The following NAALADL2 variants were observed in gnomAD, a reference collection of about 807,000 sequenced individuals.
NAALADL2 encodes the protein N-acetylated alpha-linked acidic dipeptidase like 2.
NAALADL2 carries 76 observed loss-of-function variants against 87.2 expected under a neutral mutation model. The observed-to-expected ratio is 0.87, with a 90% confidence interval of 0.72 to 1.05. The LOEUF (loss-of-function observed/expected upper bound fraction) is 1.05. Ranked by LOEUF, NAALADL2 falls within the 50% of genes least tolerant of loss-of-function variation. The pLI is 0.00. For missense variants in NAALADL2, 1,089 were observed against 945.8 expected (o/e 1.15, Z -1.99); for synonymous variants, 354 against 331.0 (o/e 1.07, Z -0.75).
At chr3:174,773,502 G>A (rs1714831951) in intron 3 of NAALADL2, among the ~76,000 whole-genome samples, 1 of 152,164 alleles carries the variant, frequency 6.6e-6, no homozygotes, top group Non-Finnish European at 1.5e-5. Flanking sequence ...CTCCATGCTA[G>A]TGATGAGACT....
At chr3:175,480,539 A>T (rs1302838434) in intron 9 of NAALADL2, among the ~76,000 whole-genome samples, 1 of 151,892 alleles carries the variant, frequency 6.6e-6, no homozygotes, top group African/African-American at 2.4e-5. Flanking sequence ...ATTCCACAGC[A>T]CCCTTTTTCA....
At chr3:174,912,176 A>G (rs1733790373) in intron 1 of NAALADL2, among the ~76,000 whole-genome samples, 2 of 152,098 alleles carry the variant, frequency 1.3e-5, no homozygotes, top group Admixed American at 1.3e-4. Context: ...AGAAATGAAG[A>G]CAATCAGTGC....
chr3:175,332,935 G>A (rs923964377), intron 5 of NAALADL2, among the ~76,000 whole-genome samples: 3 of 152,072 alleles, frequency 2.0e-5, no homozygotes, highest in Admixed American at 6.5e-5. Context: ...GTTTACAATT[G>A]TTACATTTTC....
At chr3:175,382,853 AGAG>A (rs931750619) in intron 5 of NAALADL2, among the ~76,000 whole-genome samples, 46 of 152,176 alleles carry the variant, frequency 3.0e-4, no homozygotes, top group African/African-American at 1.1e-3. Context: ...TAAAAAAATA[AGAG>A]GAATGTACAT....
chr3:174,819,075 TTTTTTTTTTTTG>T (rs1354675189), intron 3 of NAALADL2, among the ~76,000 whole-genome samples: 6 of 130,186 alleles, frequency 4.6e-5, no homozygotes, highest in African/African-American at 1.1e-4. Context: ...TTTTTTTTTT[TTTTTTTTTTTTG>T]GAGACAGGAT....
At chr3:175,507,708 G>A (rs1376287089) in intron 9 of NAALADL2, among the ~76,000 whole-genome samples, 1 of 152,196 alleles carries the variant, frequency 6.6e-6, no homozygotes, top group Non-Finnish European at 1.5e-5. Context: ...ACAGGCGTGA[G>A]CCACTGTGCC....
chr3:174,610,059 G>A (rs908579727), intron 2 of NAALADL2, among the ~76,000 whole-genome samples: 6 of 152,004 alleles, frequency 3.9e-5, no homozygotes, highest in African/African-American at 1.4e-4. Context: ...AACAAGCAAT[G>A]GGGAAAGGAT....
At position 175,626,615 on chromosome 3, in the gene NAALADL2, T is replaced by A. The variant is rs547545884; in HGVS notation, c.1801-676T>A. On this transcript the variant is annotated intron_variant, in intron 10 of 13. Transcript: ENST00000454872. Reference sequence around the variant, plus strand: ...CATAATTTTCACCGTAATCTTATTGTATTTCCTTGCTTTCTTTCCTGTATT... The same window carrying A: ...CATAATTTTCACCGTAATCTTATTGAATTTCCTTGCTTTCTTTCCTGTATT... Among the ~76,000 whole-genome samples the A allele has an allele frequency of 2.6e-5, 4 of 151,998 alleles. No individual in the cohort carries two copies. The South Asian group carries it at 6.2e-4, about 24-fold the overall frequency.
At chr3:174,813,211 GGAA>G (rs1466167544) in intron 3 of NAALADL2, among the ~76,000 whole-genome samples, 2 of 151,842 alleles carry the variant, frequency 1.3e-5, no homozygotes, top group African/African-American at 2.4e-5. Flanking sequence ...GGTCCACATT[GGAA>G]GAAGAAGAAT....
intron 2 of NAALADL2, among the ~76,000 whole-genome samples, chr3:175,157,291 A>C (rs1446871066): frequency 6.6e-6 from 1 of 152,112 alleles, no homozygotes; most frequent in African/African-American, 2.4e-5. Flanking sequence ...TTGTAGTTGT[A>C]AAAGCTGGAA....
intron 10 of NAALADL2, among the ~76,000 whole-genome samples, chr3:175,592,900 T>TA (rs1009118727): frequency 5.4e-4 from 82 of 151,150 alleles, no homozygotes; most frequent in South Asian, 4.2e-3. Flanking sequence ...AATAATAAAA[T>TA]AAAAAAAAGA....
chr3:174,927,031 A>AG (rs1456253488), intron 1 of NAALADL2, among the ~76,000 whole-genome samples: 4 of 147,618 alleles, frequency 2.7e-5, no homozygotes, highest in African/African-American at 1.0e-4. Context: ...CAAATGAAGA[A>AG]AAAAAAAAAA....
chr3:175,200,481 G>T (rs1235965194), intron 2 of NAALADL2, among the ~76,000 whole-genome samples: 1 of 152,102 alleles, frequency 6.6e-6, no homozygotes, highest in African/African-American at 2.4e-5. Flanking sequence ...ACAGAGGAGT[G>T]ATGTCTTGTC....
chr3:175,075,611 G>T (rs1367240045), intron 1 of NAALADL2, among the ~76,000 whole-genome samples: 1 of 152,046 alleles, frequency 6.6e-6, no homozygotes, highest in Admixed American at 6.6e-5. Flanking sequence ...ATCATTTCCT[G>T]AACTTACCAA....
chr3:174,649,327 CAT>C (rs1224186375), intron 2 of NAALADL2, among the ~76,000 whole-genome samples: 5 of 152,022 alleles, frequency 3.3e-5, no homozygotes, highest in Non-Finnish European at 5.9e-5. Flanking sequence ...AGATGAATTC[CAT>C]ATATAGTCTT....
chr3:174,469,265 TC>T (rs1716744788), intron 1 of NAALADL2, among the ~76,000 whole-genome samples: 1 of 151,302 alleles, frequency 6.6e-6, no homozygotes, highest in Non-Finnish European at 1.5e-5. Context: ...CCAGACAGGG[TC>T]TTTTTTTTTT....
chr3:175,327,116 G>A (rs970860016), intron 5 of NAALADL2, among the ~76,000 whole-genome samples: 4 of 147,800 alleles, frequency 2.7e-5, no homozygotes, highest in Admixed American at 6.8e-5. Flanking sequence ...CATTCCATAC[G>A]CCTCACCCAG....
At chr3:174,451,417 T>C (rs1057050103) in intron 1 of NAALADL2, among the ~76,000 whole-genome samples, 2 of 152,218 alleles carry the variant, frequency 1.3e-5, no homozygotes, top group African/African-American at 4.8e-5. Context: ...ATGTAATTGT[T>C]ATCAAGAATT....
intron 1 of NAALADL2, among the ~76,000 whole-genome samples, chr3:175,031,829 A>T (rs927443058): frequency 6.6e-6 from 1 of 151,990 alleles, no homozygotes; most frequent in African/African-American, 2.4e-5. Context: ...GTGAGATGGT[A>T]TCTCATTGCG....
Sources: allele counts gnomAD v4.1 joint callset (sites outside exome capture counted in the v4.1 genomes callset), GRCh38; gene constraint gnomAD v4.1.1; transcripts MANE v1.5; gene names NCBI Gene and HGNC (gene_info 2026-07-23, HGNC 2026-07-21).